Variants in NELL2 observed in about 807,000 individuals in gnomAD.
NELL2 encodes the protein protein kinase C-binding protein NELL2.
A neutral mutation model predicts 109.6 loss-of-function variants in NELL2; 41 were observed. That is an observed-to-expected ratio of 0.37 (90% CI 0.29 to 0.49). NELL2 has a LOEUF of 0.49. Among genes scored for constraint, NELL2 ranks in the 20% least tolerant of loss-of-function variants. The probability of loss-of-function intolerance (pLI) is 0.98; values close to 1 mark genes in which losing one functional copy is unlikely to be tolerated. For missense variants in NELL2, 900 were observed against 1,008.3 expected (o/e 0.89, Z 1.45); for synonymous variants, 355 against 344.7 (o/e 1.03, Z -0.33).
At chr12:44,871,008 T>C (rs960175010) in intron 2 of NELL2, among the ~76,000 whole-genome samples, 1 of 152,130 alleles carries the variant, frequency 6.6e-6, no homozygotes, top group Non-Finnish European at 1.5e-5. Flanking sequence ...GCTTTCCTCA[T>C]ATACTTTATT....
At chr12:44,655,339 A>C (rs1462643562) in intron 13 of NELL2, among the ~76,000 whole-genome samples, 3 of 152,320 alleles carry the variant, frequency 2.0e-5, no homozygotes, top group African/African-American at 7.2e-5. Flanking sequence ...ATGATGCTAC[A>C]TAAAGGCTCT....
chr12:44,558,349 T>C (rs1343664531), intron 15 of NELL2, among the ~76,000 whole-genome samples: 3 of 152,208 alleles, frequency 2.0e-5, no homozygotes, highest in South Asian at 2.1e-4. Context: ...AGGTAAAGAA[T>C]GGAACATCAG....
intron 13 of NELL2, among the ~76,000 whole-genome samples, chr12:44,612,670 T>C (rs1203190027): frequency 1.3e-5 from 2 of 151,984 alleles, no homozygotes; most frequent in Admixed American, 6.6e-5. Flanking sequence ...AAAATAAATC[T>C]ACACTTTGAA....
chr12:44,727,649 C>G (rs1346678522), intron 9 of NELL2, among the ~76,000 whole-genome samples: 3 of 151,902 alleles, frequency 2.0e-5, no homozygotes, highest in Admixed American at 2.0e-4. Flanking sequence ...TGTACTTGTA[C>G]CTTGGGACAA....
intron 3 of NELL2, among the ~76,000 whole-genome samples, chr12:44,792,480 AAC>A (rs1182362599): frequency 6.6e-6 from 1 of 152,172 alleles, no homozygotes; most frequent in African/African-American, 2.4e-5. Context: ...CATAAAGCAA[AAC>A]ACAGATTAAC....
intron 2 of NELL2, among the ~76,000 whole-genome samples, chr12:44,859,427 G>A (rs1257723386): frequency 1.3e-5 from 2 of 152,218 alleles, no homozygotes; most frequent in Non-Finnish European, 2.9e-5. Flanking sequence ...TGGAATCCCA[G>A]CTACTCAGAA....
At chr12:44,583,214 A>G (rs957567116) in intron 15 of NELL2, among the ~76,000 whole-genome samples, 1 of 152,244 alleles carries the variant, frequency 6.6e-6, no homozygotes, top group Non-Finnish European at 1.5e-5. Flanking sequence ...CAGAATCTTC[A>G]ATGAATGAAA....
intron 15 of NELL2, among the ~76,000 whole-genome samples, chr12:44,576,397 G>A (rs1220977889): frequency 1.3e-5 from 2 of 152,054 alleles, no homozygotes; most frequent in Non-Finnish European, 2.9e-5. Context: ...TAAATCACAG[G>A]GTCTTCCCAG....
rs377620158 is a variant in NELL2, at chr12:44,811,947, C to A, written c.335+4039G>T. Among the ~76,000 whole-genome samples the A allele has an allele frequency of 9.5e-4, 145 of 152,168 alleles. 1 individual carries two copies. The South Asian group carries it at 0.01, about 11-fold the overall frequency. On this transcript the variant is annotated intron_variant, in intron 3 of 19. Coordinates refer to ENST00000429094, the MANE Select transcript of NELL2 (RefSeq NM_001145108.2). ...TCCCAGGCAGGCAAGAACATGTGCT[C>A]AGAAGAAGCGTCACAATGCCACTGC...
chr12:44,521,979 A>C lies in NELL2; in HGVS notation c.2175+21T>G, dbSNP rs369572075. 5 of 1,607,620 alleles carry C rather than the reference A, an allele frequency of 3.1e-6. No individual in the cohort carries two copies. The African/African-American group carries it at 4.0e-5, about 13-fold the overall frequency. On this transcript the variant is annotated intron_variant, in intron 18 of 19. Coordinates refer to ENST00000429094, the MANE Select transcript of NELL2 (RefSeq NM_001145108.2). ...GATTCTGGGCCTAAATTTTCTTTCC[A>C]CTTCATGTAGCTAAATTTACCAAGC... is the stretch of plus-strand genomic sequence containing the variant.
chr12:44,561,809 G>GA (rs1322425867), intron 15 of NELL2, among the ~76,000 whole-genome samples: 4 of 152,190 alleles, frequency 2.6e-5, no homozygotes, highest in South Asian at 2.1e-4. Context: ...CACAGAATTA[G>GA]AAAAAATCAC....
In NELL2 at chr12:44,743,325, C is replaced by T. The variant is rs181126082; in HGVS notation, c.995-28584G>A. 3.9e-3 allele frequency among the ~76,000 whole-genome samples: 598 copies of T among 152,216 alleles called. 8 individuals are homozygous for T. The highest frequency in any genetic ancestry group is 3.5e-3 in the Non-Finnish European group (236 of 68,022). On this transcript the variant is annotated intron_variant, in intron 9 of 19. Coordinates refer to ENST00000429094, the MANE Select transcript of NELL2 (RefSeq NM_001145108.2). ...AGCACTAAACATGGAAAGGAACAACCGGTACCAGCCACTGCAAAAACATGC... is the reference window on the plus strand; with the variant it reads ...AGCACTAAACATGGAAAGGAACAACTGGTACCAGCCACTGCAAAAACATGC...
intron 3 of NELL2, among the ~76,000 whole-genome samples, chr12:44,800,140 C>T (rs12301128): frequency 0.037 from 5,568 of 152,178 alleles, 341 homozygotes; most frequent in African/African-American, 0.13. Flanking sequence ...ATATAAGACA[C>T]TACTATGTAC....
At chr12:44,785,114 T>C (rs1486742555) in intron 3 of NELL2, among the ~76,000 whole-genome samples, 3 of 152,202 alleles carry the variant, frequency 2.0e-5, no homozygotes, top group East Asian at 3.8e-4. Flanking sequence ...GATGACATGA[T>C]TGTATATTTA....
intron 12 of NELL2, among the ~76,000 whole-genome samples, chr12:44,668,214 T>C (rs1458056501): frequency 1.3e-5 from 2 of 152,048 alleles, no homozygotes; most frequent in Admixed American, 6.5e-5. Flanking sequence ...GGGGAATAGA[T>C]GATGCAACAC....
intron 15 of NELL2, among the ~76,000 whole-genome samples, chr12:44,543,808 C>T (rs767134747): frequency 2.0e-5 from 3 of 152,030 alleles, no homozygotes; most frequent in Non-Finnish European, 4.4e-5. Context: ...TTTGCAAATC[C>T]TCTGGCTGCA....
At chr12:44,624,558 G>C (rs776648701) in intron 13 of NELL2, among the ~76,000 whole-genome samples, 22 of 151,920 alleles carry the variant, frequency 1.4e-4, no homozygotes, top group African/African-American at 4.3e-4. Flanking sequence ...TTATTTAAAG[G>C]TTCCCTCTTG....
Position 44,703,851 on chromosome 12 carries a change from T to A in NELL2, c.1193A>T (p.Tyr398Phe), listed in dbSNP as rs544503221. Residue 398 changes from tyrosine (Y) to phenylalanine (F), a missense_variant, in exon 12 of 20, where the codon TAT becomes TTT. Physicochemically the swap from Tyr to Phe is conservative, Grantham distance 22 (BLOSUM62 3). This residue lies in a region of NELL2 where 292 missense variants were observed against 265.3 expected (regional missense o/e 1.10). Coordinates refer to ENST00000429094, the MANE Select transcript of NELL2 (RefSeq NM_001145108.2). ...GTTATGCCTTTCAGAACAAAAGTCA[T>A]AACCTACAGAAAAAAAAAGAAATTT... Reference protein sequence around the residue: ...SHSCCKVCKGYDFCSERHNCM... With the variant: ...SHSCCKVCKGFDFCSERHNCM... 2 of 1,607,376 alleles carry A rather than the reference T, an allele frequency of 1.2e-6. No individual in the cohort carries two copies. Among genetic ancestry groups the A allele is most frequent in the South Asian group, 2.2e-5 (2 of 90,036 alleles).
intron 15 of NELL2, among the ~76,000 whole-genome samples, chr12:44,548,995 C>T (rs1416688192): frequency 6.6e-6 from 1 of 152,066 alleles, no homozygotes; most frequent in Non-Finnish European, 1.5e-5. Context: ...CTCCCATGAC[C>T]AGAGATCAAA....
Sources: allele counts gnomAD v4.1 joint callset (sites outside exome capture counted in the v4.1 genomes callset), GRCh38; gene constraint gnomAD v4.1.1; regional missense constraint gnomAD v4.1.1; transcripts MANE v1.5; gene names NCBI Gene and HGNC (gene_info 2026-07-23, HGNC 2026-07-21).